ANKS1B: variants seen among roughly 807,000 people sequenced by gnomAD.
ANKS1B encodes ankyrin repeat and sterile alpha motif domain containing 1B.
In ANKS1B, 36 loss-of-function variants were observed where a neutral mutation model predicts 148.3. The ratio of observed to expected loss-of-function variants is 0.24; its 90% CI spans 0.19 to 0.32. ANKS1B has a LOEUF of 0.32. ANKS1B is among the 10% of genes least tolerant of loss of function. The pLI is 1.00. For synonymous variants in ANKS1B, 542 were observed against 560.8 expected (o/e 0.97, Z 0.47); for missense variants, 1,157 against 1,542.6 (o/e 0.75, Z 4.19).
intron 8 of ANKS1B, among the ~76,000 whole-genome samples, chr12:99,745,282 A>C (rs1668950554): frequency 6.6e-6 from 1 of 152,220 alleles, no homozygotes; most frequent in Non-Finnish European, 1.5e-5. Flanking sequence ...TGATGTTAAG[A>C]AACATTGATG....
At chr12:99,403,837 G>A (rs1283918004) in intron 11 of ANKS1B, among the ~76,000 whole-genome samples, 7 of 145,752 alleles carry the variant, frequency 4.8e-5, no homozygotes, top group African/African-American at 2.6e-5. Flanking sequence ...ATACCCAAAG[G>A]AATATAAATC....
intron 1 of ANKS1B, among the ~76,000 whole-genome samples, chr12:99,957,428 C>A (rs1306809005): frequency 6.6e-6 from 1 of 152,232 alleles, no homozygotes; most frequent in Non-Finnish European, 1.5e-5. Flanking sequence ...ATATCTCCTA[C>A]AAATCTCTGG....
intron 14 of ANKS1B, among the ~76,000 whole-genome samples, chr12:99,233,537 T>C (rs919325733): frequency 3.9e-5 from 6 of 152,170 alleles, no homozygotes; most frequent in African/African-American, 9.6e-5. Context: ...TTGAATATAA[T>C]TGAATCCTAC....
At chr12:99,938,343 C>T (rs964313809) in intron 1 of ANKS1B, among the ~76,000 whole-genome samples, 1 of 152,052 alleles carries the variant, frequency 6.6e-6, no homozygotes, top group Non-Finnish European at 1.5e-5. Context: ...GAAAACATCT[C>T]CTTCCCTAAT....
intron 14 of ANKS1B, among the ~76,000 whole-genome samples, chr12:99,174,617 C>T (rs2035882): frequency 0.069 from 10,523 of 151,990 alleles, 785 homozygotes; most frequent in African/African-American, 0.19. Context: ...GGAAGTCTTA[C>T]TTGAACCATT....
chr12:98,812,522 A>G (rs1359101452), intron 19 of ANKS1B, among the ~76,000 whole-genome samples: 1 of 152,206 alleles, frequency 6.6e-6, no homozygotes, highest in Non-Finnish European at 1.5e-5. Flanking sequence ...AAGTGGTAAA[A>G]AGTCAGAATT....
chr12:99,870,117 C>G (rs2091312471), intron 1 of ANKS1B, among the ~76,000 whole-genome samples: 1 of 152,126 alleles, frequency 6.6e-6, no homozygotes, highest in East Asian at 1.9e-4. Context: ...TAGTAGTCCC[C>G]AGTTTCTATT....
intron 12 of ANKS1B, among the ~76,000 whole-genome samples, chr12:99,323,716 G>A (rs2085762157): frequency 6.6e-6 from 1 of 152,128 alleles, no homozygotes; most frequent in African/African-American, 2.4e-5. Context: ...TATAGCATGA[G>A]TAAGATGGGA....
At chr12:99,261,140 A>G (rs1214949389) in intron 12 of ANKS1B, among the ~76,000 whole-genome samples, 1 of 152,124 alleles carries the variant, frequency 6.6e-6, no homozygotes, top group Non-Finnish European at 1.5e-5. Context: ...ATCTACTCCA[A>G]ATAGGCTTTT....
intron 1 of ANKS1B, among the ~76,000 whole-genome samples, chr12:99,846,574 T>C (rs1333047153): frequency 6.6e-6 from 1 of 152,186 alleles, no homozygotes; most frequent in East Asian, 1.9e-4. Context: ...AATTATGTTG[T>C]ATTTGACAAC....
At chr12:98,884,932 A>T (rs933949716) in intron 17 of ANKS1B, among the ~76,000 whole-genome samples, 6 of 151,936 alleles carry the variant, frequency 3.9e-5, no homozygotes, top group African/African-American at 1.5e-4. Flanking sequence ...TTCCATGTGG[A>T]TGTCAAGTTT....
intron 1 of ANKS1B, among the ~76,000 whole-genome samples, chr12:99,837,047 C>T (rs1008242084): frequency 6.6e-6 from 1 of 152,172 alleles, no homozygotes; most frequent in East Asian, 1.9e-4. Flanking sequence ...GGCTTTATCC[C>T]GGATTACCCA....
chr12:99,906,908 A>G (rs2093803849), intron 1 of ANKS1B, among the ~76,000 whole-genome samples: 1 of 152,234 alleles, frequency 6.6e-6, no homozygotes, highest in African/African-American at 2.4e-5. Context: ...AAAGATGTGT[A>G]AACAAATAAC....
intron 17 of ANKS1B, among the ~76,000 whole-genome samples, chr12:98,843,741 C>A (rs1297024619): frequency 6.6e-6 from 1 of 152,172 alleles, no homozygotes. Context: ...CATATTGAAG[C>A]AGTGAAACTA....
At chr12:99,959,227 A>ATTTTTTTTTTTTTTTTTTT (rs71088166) in intron 1 of ANKS1B, among the ~76,000 whole-genome samples, 7 of 99,900 alleles carry the variant, frequency 7.0e-5, no homozygotes, top group African/African-American at 8.2e-5. Context: ...CACCCAGTTA[A>ATTTTTTTTTTTTTTTTTTT]TTTTTTTTTT....
intron 11 of ANKS1B, among the ~76,000 whole-genome samples, chr12:99,442,203 AT>A (rs368574397): frequency 9.2e-4 from 140 of 151,920 alleles, no homozygotes; most frequent in African/African-American, 3.3e-3. Flanking sequence ...AAAAGAGGAC[AT>A]TTTGTAATGA....
At chr12:99,096,382 A>AT (rs1034096722) in intron 15 of ANKS1B, among the ~76,000 whole-genome samples, 2 of 151,322 alleles carry the variant, frequency 1.3e-5, no homozygotes, top group South Asian at 2.1e-4. Context: ...AAAAAAAAAA[A>AT]TTTTTCCACA....
chr12:99,978,591 T>C (rs1221366287), intron 1 of ANKS1B, among the ~76,000 whole-genome samples: 2 of 152,232 alleles, frequency 1.3e-5, no homozygotes, highest in Non-Finnish European at 2.9e-5. Context: ...ATTTATTCCA[T>C]TTAACCAATG....
intron 9 of ANKS1B, among the ~76,000 whole-genome samples, chr12:99,634,494 A>C (rs996149675): frequency 4.6e-5 from 7 of 152,204 alleles, no homozygotes; most frequent in African/African-American, 1.7e-4. Context: ...AAACAACAGA[A>C]AATAGGCTAA....
Sources: allele counts gnomAD v4.1 joint callset (sites outside exome capture counted in the v4.1 genomes callset), GRCh38; gene constraint gnomAD v4.1.1; transcripts MANE v1.5; gene names NCBI Gene and HGNC (gene_info 2026-07-23, HGNC 2026-07-21).